LHFPL6: variants seen among roughly 807,000 people sequenced by gnomAD.
LHFPL6 encodes the protein LHFPL tetraspan subfamily member 6 protein.
In LHFPL6, 9 loss-of-function variants were observed where a neutral mutation model predicts 20.6. The ratio of observed to expected loss-of-function variants is 0.44; its 90% CI spans 0.26 to 0.76. LHFPL6 has a LOEUF of 0.76. Ranked by LOEUF, LHFPL6 falls within the 30% of genes least tolerant of loss-of-function variation. The pLI is 0.20. For missense variants in LHFPL6, 218 were observed against 253.5 expected (o/e 0.86, Z 0.95); for synonymous variants, 105 against 98.7 (o/e 1.06, Z -0.38).
At chr13:39,569,148 T>TGGATGGACGGACGGACAGAC (rs71080313) in intron 2 of LHFPL6, among the ~76,000 whole-genome samples, 1 of 144,396 alleles carries the variant, frequency 6.9e-6, no homozygotes, top group Non-Finnish European at 1.5e-5. Flanking sequence ...GATGGATGGA[T>TGGATGGACGGACGGACAGAC]GGACGGACGG....
intron 1 of LHFPL6, among the ~76,000 whole-genome samples, chr13:39,602,584 CATTG>C (rs1872992919): frequency 6.6e-6 from 1 of 152,080 alleles, no homozygotes; most frequent in African/African-American, 2.4e-5. Flanking sequence ...AGCCCCCTGC[CATTG>C]CCTCACCGAG....
intron 2 of LHFPL6, among the ~76,000 whole-genome samples, chr13:39,515,691 G>A (rs576961079): frequency 7.9e-4 from 120 of 152,114 alleles, no homozygotes; most frequent in Non-Finnish European, 1.4e-3. Context: ...TAACTGGCTC[G>A]CTGATTGCCC....
chr13:39,397,631 GT>G (rs1870877244), intron 2 of LHFPL6, among the ~76,000 whole-genome samples: 1 of 152,096 alleles, frequency 6.6e-6, no homozygotes, highest in African/African-American at 2.4e-5. Context: ...TCCACTTTTT[GT>G]TTTTAGAATT....
intron 2 of LHFPL6, among the ~76,000 whole-genome samples, chr13:39,479,325 G>A (rs933257674): frequency 1.3e-5 from 2 of 152,092 alleles, no homozygotes; most frequent in Non-Finnish European, 1.5e-5. Flanking sequence ...TGAGTACTGG[G>A]AAAACTCTAG....
intron 2 of LHFPL6, among the ~76,000 whole-genome samples, chr13:39,524,263 A>G (rs1008011247): frequency 5.3e-5 from 8 of 152,128 alleles, no homozygotes; most frequent in Non-Finnish European, 1.2e-4. Context: ...CACTCAGTGT[A>G]AGCATGGTTT....
intron 2 of LHFPL6, among the ~76,000 whole-genome samples, chr13:39,379,650 T>C (rs1345152859): frequency 6.6e-6 from 1 of 152,164 alleles, no homozygotes; most frequent in Non-Finnish European, 1.5e-5. Flanking sequence ...TGACCAGTAG[T>C]AATCCATACA....
At chr13:39,432,998 A>G (rs1046192148) in intron 2 of LHFPL6, among the ~76,000 whole-genome samples, 11 of 152,220 alleles carry the variant, frequency 7.2e-5, no homozygotes, top group Non-Finnish European at 1.3e-4. Flanking sequence ...TTATCCTCCT[A>G]TGAGGCTAAG....
chr13:39,422,320 C>T (rs1259454110), intron 2 of LHFPL6, among the ~76,000 whole-genome samples: 2 of 152,030 alleles, frequency 1.3e-5, no homozygotes, highest in Admixed American at 6.6e-5. Context: ...AAACACAGGC[C>T]GGGAGCAGTG....
intron 2 of LHFPL6, among the ~76,000 whole-genome samples, chr13:39,562,188 A>C (rs1252708470): frequency 6.6e-6 from 1 of 152,022 alleles, no homozygotes; most frequent in East Asian, 1.9e-4. Context: ...CTAGGTAGGA[A>C]TATCTATCCA....
At chr13:39,447,848 G>C (rs1252066311) in intron 2 of LHFPL6, among the ~76,000 whole-genome samples, 1 of 152,222 alleles carries the variant, frequency 6.6e-6, no homozygotes, top group East Asian at 1.9e-4. Context: ...TGGAAAGTGA[G>C]AAACAGGAAG....
intron 3 of LHFPL6, among the ~76,000 whole-genome samples, chr13:39,369,260 C>T (rs1400182315): frequency 6.6e-6 from 1 of 152,088 alleles, no homozygotes; most frequent in African/African-American, 2.4e-5. Flanking sequence ...CTATAAATCT[C>T]TGCAAGCCAC....
intron 2 of LHFPL6, among the ~76,000 whole-genome samples, chr13:39,443,747 T>C (rs779412250): frequency 6.6e-6 from 1 of 151,976 alleles, no homozygotes; most frequent in African/African-American, 2.4e-5. Flanking sequence ...TTTTACTTTA[T>C]GATGGTGTGA....
intron 2 of LHFPL6, among the ~76,000 whole-genome samples, chr13:39,466,780 A>C (rs74044068): frequency 8.7e-4 from 133 of 152,358 alleles, no homozygotes; most frequent in African/African-American, 3.0e-3. Flanking sequence ...ACACCTTTCT[A>C]ACCAGATTTC....
At chr13:39,362,011 T>C (rs1463727399) in intron 3 of LHFPL6, among the ~76,000 whole-genome samples, 1 of 152,234 alleles carries the variant, frequency 6.6e-6, no homozygotes, top group African/African-American at 2.4e-5. Context: ...GACTTCTTTG[T>C]ATTATTCTGT....
rs540113485 is a variant in LHFPL6, at chr13:39,344,298, C to A, written c.485-244G>T. Among the ~76,000 whole-genome samples the A allele has an allele frequency of 2.0e-5, 3 of 152,250 alleles. No homozygotes were observed. The South Asian group carries it at 6.2e-4, about 32-fold the overall frequency. The stretch of plus-strand genomic sequence containing the variant: ...GGGCTAAGAGAAGTCTAGTCTCCTC[C>A]ACCAATATCCACACCCTGGCCAAAA... On this transcript the variant is annotated intron_variant, in intron 3 of 3. Transcript: ENST00000379589.
intron 2 of LHFPL6, among the ~76,000 whole-genome samples, chr13:39,496,165 A>G (rs1869094476): frequency 6.6e-6 from 1 of 152,192 alleles, no homozygotes; most frequent in South Asian, 2.1e-4. Context: ...CGAGTAACTT[A>G]TAAACAACAG....
intron 3 of LHFPL6, among the ~76,000 whole-genome samples, chr13:39,371,196 G>C (rs1386752483): frequency 6.6e-6 from 1 of 152,140 alleles, no homozygotes; most frequent in East Asian, 1.9e-4. Context: ...GAACCATGAT[G>C]GCTTCTTAAT....
chr13:39,365,669 G>T (rs759606882), intron 3 of LHFPL6, among the ~76,000 whole-genome samples: 2 of 152,134 alleles, frequency 1.3e-5, no homozygotes, highest in Admixed American at 6.5e-5. Context: ...CAAAAAGCAG[G>T]CACAAAACAT....
At chr13:39,586,205 C>T (rs1412019320) in intron 2 of LHFPL6, among the ~76,000 whole-genome samples, 1 of 151,890 alleles carries the variant, frequency 6.6e-6, no homozygotes, top group Non-Finnish European at 1.5e-5. Flanking sequence ...ACAGCATTTC[C>T]TGCATTTTTA....
Sources: allele counts gnomAD v4.1 joint callset (sites outside exome capture counted in the v4.1 genomes callset), GRCh38; gene constraint gnomAD v4.1.1; transcripts MANE v1.5; gene names NCBI Gene and HGNC (gene_info 2026-07-23, HGNC 2026-07-21).